Variants in AVEN observed in about 807,000 individuals in gnomAD.
The protein encoded by AVEN is cell death regulator Aven.
AVEN carries 41 observed loss-of-function variants against 38.1 expected under a neutral mutation model. The observed-to-expected ratio is 1.08, with a 90% CI of 0.84 to 1.40. The LOEUF (loss-of-function observed/expected upper bound fraction) is 1.40, where lower values mean the gene tolerates loss of function less well. Among genes scored for constraint, AVEN ranks in the 40% most tolerant of loss-of-function variants. The pLI is 0.00. For missense variants in AVEN, 605 were observed against 438.8 expected, an observed-to-expected ratio of 1.38 and a Z score of -3.38; for synonymous variants, 206 against 171.8, an observed-to-expected ratio of 1.20 and a Z score of -1.56.
chr15:33,979,390 TC>T (rs1220574252), intron 2 of AVEN, among the ~76,000 whole-genome samples: 2 of 152,062 alleles, frequency 1.3e-5, no homozygotes, highest in African/African-American at 4.8e-5. Flanking sequence ...GTGGCTGTAA[TC>T]CCAGCTACTC....
Position 33,943,823 on chromosome 15 carries a change from T to TAAAAAAA in AVEN, c.445+59202_445+59208dup, listed in dbSNP as rs71119905. Among the ~76,000 whole-genome samples the TAAAAAAA allele has an allele frequency of 6.8e-5, 6 of 88,878 alleles. No homozygotes were observed. The East Asian group carries it at 1.5e-3, about 22-fold the overall frequency. The allele number at this position is 88,878 out of a possible 152,430, so 58.3% of individuals were successfully genotyped here. A position where few individuals can be genotyped will look rare whatever the true frequency, so the allele number is the denominator to read the frequency against. On this transcript the variant is annotated intron_variant, in intron 2 of 5. Coordinates refer to ENST00000306730, the MANE Select transcript of AVEN (RefSeq NM_020371.3). ...GGGTGACAGAGCAAGACTCCGTCTT[T>TAAAAAAA]AAAAAAAAAAAAAAAAAAAAAAAAA...
intron 1 of AVEN, among the ~76,000 whole-genome samples, chr15:34,071,037 G>A (rs1313749016): frequency 6.6e-6 from 1 of 152,112 alleles, no homozygotes; most frequent in Admixed American, 6.6e-5. Context: ...AATTTTATAT[G>A]GCTCTTGAAC....
In AVEN at chr15:33,875,905, T is replaced by C; in HGVS notation, c.516+20A>G. The C allele has an allele frequency of 6.2e-7, 1 of 1,607,788 alleles. No individual in the cohort carries two copies. The highest frequency in any genetic ancestry group is 8.5e-7 in the Non-Finnish European group (1 of 1,174,554). ...CCTTGAAGAAGAGCCAGTCCACACT[T>C]AACACAACTCTTATCTTACCTGTTT... On this transcript the variant is annotated intron_variant, in intron 3 of 5. Coordinates refer to ENST00000306730, the MANE Select transcript of AVEN (RefSeq NM_020371.3).
chr15:33,909,763 TA>T (rs1379021046), intron 2 of AVEN, among the ~76,000 whole-genome samples: 1 of 152,242 alleles, frequency 6.6e-6, no homozygotes, highest in African/African-American at 2.4e-5. Flanking sequence ...TTACAAGGTA[TA>T]AATTTTATCA....
At chr15:33,981,185 A>G (rs1896127632) in intron 2 of AVEN, among the ~76,000 whole-genome samples, 1 of 152,226 alleles carries the variant, frequency 6.6e-6, no homozygotes, top group Non-Finnish European at 1.5e-5. Context: ...AAAAATATTA[A>G]CAGCGATGCC....
At chr15:34,006,523 A>G (rs1897351922) in intron 1 of AVEN, among the ~76,000 whole-genome samples, 1 of 152,238 alleles carries the variant, frequency 6.6e-6, no homozygotes, top group Admixed American at 6.5e-5. Context: ...TCTGGGCAAA[A>G]TAATTACCTT....
intron 1 of AVEN, among the ~76,000 whole-genome samples, chr15:34,037,664 GACCCTAAAAA>G (rs1899211148): frequency 6.6e-6 from 1 of 151,412 alleles, no homozygotes; most frequent in Admixed American, 6.6e-5. Context: ...GAGGTAAACT[GACCCTAAAAA>G]TGTTTTTATA....
At chr15:33,857,036 A>G (rs1274555626), downstream of AVEN, among the ~76,000 whole-genome samples, 2 of 152,168 alleles carry the variant, frequency 1.3e-5, no homozygotes, top group Non-Finnish European at 2.9e-5. Context: ...TGTATGAACA[A>G]TAACAAAACA....
At chr15:34,002,458 C>G (rs541191349) in intron 2 of AVEN, among the ~76,000 whole-genome samples, 2 of 152,280 alleles carry the variant, frequency 1.3e-5, no homozygotes, top group African/African-American at 4.8e-5. Flanking sequence ...TGTTACTGCT[C>G]TCCAGCATCA....
intron 1 of AVEN, among the ~76,000 whole-genome samples, chr15:34,008,947 C>T (rs570630409): frequency 4.0e-3 from 103 of 25,684 alleles, no homozygotes; most frequent in Middle Eastern, 0.038. Flanking sequence ...CTCACACGTG[C>T]GCGCGCGCAC....
intron 2 of AVEN, among the ~76,000 whole-genome samples, chr15:33,909,835 A>T (rs1240586641): frequency 6.6e-6 from 1 of 152,218 alleles, no homozygotes; most frequent in Non-Finnish European, 1.5e-5. Context: ...TTAAGCATTA[A>T]AAACATTTGC....
intron 2 of AVEN, among the ~76,000 whole-genome samples, chr15:33,927,385 C>CAAT (rs200678672): frequency 1.3e-5 from 2 of 151,712 alleles, no homozygotes; most frequent in Non-Finnish European, 2.9e-5. Flanking sequence ...AATTAATTAC[C>CAAT]AATAATAATA....
chr15:33,951,991 C>T (rs1894768993), intron 2 of AVEN, among the ~76,000 whole-genome samples: 1 of 152,064 alleles, frequency 6.6e-6, no homozygotes, highest in South Asian at 2.1e-4. Flanking sequence ...ATGTACCATC[C>T]CCACCCAAGT....
intron 2 of AVEN, among the ~76,000 whole-genome samples, chr15:33,981,865 C>T (rs1896162770): frequency 6.6e-6 from 1 of 152,024 alleles, no homozygotes; most frequent in Non-Finnish European, 1.5e-5. Context: ...AACGGAGTCT[C>T]ACTCTGTTGC....
At chr15:33,955,381 G>A (rs114065013) in intron 2 of AVEN, among the ~76,000 whole-genome samples, 2,231 of 152,288 alleles carry the variant, frequency 0.015, 45 homozygotes, top group African/African-American at 0.05. Context: ...AAGCAAACAA[G>A]AATATCATTA....
intron 2 of AVEN, among the ~76,000 whole-genome samples, chr15:33,905,820 G>C (rs10152356): frequency 9.2e-6 from 1 of 108,602 alleles, no homozygotes; most frequent in African/African-American, 4.8e-5. Context: ...ACCTTGTTTC[G>C]GGAAAGAAAA....
chr15:34,050,036 T>C (rs948228636), intron 5 of AVEN, among the ~76,000 whole-genome samples: 13 of 151,980 alleles, frequency 8.6e-5, no homozygotes, highest in African/African-American at 3.1e-4. Flanking sequence ...TACAGGCACC[T>C]GCCACCATGC....
At position 34,063,099 on chromosome 15, in the gene AVEN, C is replaced by T. The variant is rs766642500; in HGVS notation, n.1460G>A. ...GAACCTTCTGGTGATCAGTTTTGACCGTTACTTTTCCATCACAAGACCCTT... is the reference window on the plus strand; with the variant it reads ...GAACCTTCTGGTGATCAGTTTTGACTGTTACTTTTCCATCACAAGACCCTT... On this transcript the variant is annotated non_coding_transcript_exon_variant, in exon 5 of 12. Coordinates refer to the AVEN transcript ENST00000675287. This position sits in a 1 kb window ranked among gnomAD's most constrained non-coding sequence, Gnocchi z 4.1. The T allele has an allele frequency of 9.9e-6, 16 of 1,614,016 alleles. No individual in the cohort carries two copies. The highest frequency in any genetic ancestry group is 2.2e-5 in the East Asian group (1 of 44,896).
upstream of AVEN, among the ~76,000 whole-genome samples, chr15:34,043,912 G>T (rs948427414): frequency 7.2e-5 from 11 of 151,812 alleles, no homozygotes; most frequent in African/African-American, 2.7e-4. Flanking sequence ...TAGTATAGAG[G>T]GGTCTCTGTC....
Sources: gnomAD v4.1 joint callset for allele counts (sites outside exome capture counted in the v4.1 genomes callset) on GRCh38, gnomAD v4.1.1 for gene constraint, Gnocchi (gnomAD v3.1) non-coding constraint, MANE v1.5 for transcripts, NCBI Gene and HGNC (gene_info 2026-07-23, HGNC 2026-07-21) for gene names.